CSRP1: variants seen among roughly 807,000 people sequenced by gnomAD.
CSRP1 encodes the protein cysteine and glycine-rich protein 1.
A neutral mutation model predicts 25.4 loss-of-function variants in CSRP1; 16 were observed. The observed-to-expected ratio is 0.63, with a 90% confidence interval of 0.43 to 0.96. The LOEUF is 0.96. CSRP1 is among the 40% of genes least tolerant of loss of function. CSRP1 has a pLI of 0.00. For missense variants in CSRP1, 212 were observed against 243.6 expected (o/e 0.87, Z 0.86); for synonymous variants, 97 against 95.3 (o/e 1.02, Z -0.10).
intron 1 of CSRP1, among the ~76,000 whole-genome samples, chr1:201,506,035 A>C (rs1664813859): frequency 6.6e-6 from 1 of 152,196 alleles, no homozygotes; most frequent in Non-Finnish European, 1.5e-5. Flanking sequence ...CCCTGAAAGA[A>C]ACTGAGACAT....
chr1:201,502,028 TA>T (rs1553232871), intron 1 of CSRP1, among the ~76,000 whole-genome samples: 1 of 139,726 alleles, frequency 7.2e-6, no homozygotes, highest in South Asian at 2.2e-4. Flanking sequence ...AATAAATAAA[TA>T]AAGTCTGGCT....
At chr1:201,495,967 C>T in intron 2 of CSRP1, 1 of 456,732 alleles carries the variant, frequency 2.2e-6, no homozygotes, top group Non-Finnish European at 3.8e-6. Flanking sequence ...CCCCTGAACG[C>T]CTGCCACCCC....
chr1:201,506,092 A>G (rs10920214), intron 1 of CSRP1, among the ~76,000 whole-genome samples: 12,002 of 152,210 alleles, frequency 0.079, 1,465 homozygotes, highest in African/African-American at 0.26. Context: ...GTTAAGTGGC[A>G]AATCCAAGAG....
chr1:201,503,553 G>C (rs112961548), intron 1 of CSRP1, among the ~76,000 whole-genome samples: 1 of 152,096 alleles, frequency 6.6e-6, no homozygotes, highest in Non-Finnish European at 1.5e-5. Flanking sequence ...TGTTGTCACC[G>C]CTGAAGACTC....
At chr1:201,496,576 G>C (rs1232012719) in intron 1 of CSRP1, 1 of 474,298 alleles carries the variant, frequency 2.1e-6, no homozygotes, top group Non-Finnish European at 3.8e-6. Context: ...TAAAGGATGT[G>C]GATCAGCAGA....
chr1:201,493,027 G>C (rs1478396775), intron 2 of CSRP1: 1 of 152,396 alleles, frequency 6.6e-6, no homozygotes, highest in African/African-American at 2.4e-5. Flanking sequence ...CCTCAGGGCT[G>C]GCTGCTTAAC....
At chr1:201,488,784 TA>T (rs528587529) in intron 4 of CSRP1, 70 bp downstream of exon 4, 1 of 1,580,190 alleles carries the variant, frequency 6.3e-7, no homozygotes, top group Non-Finnish European at 8.6e-7. Flanking sequence ...GTCACCAATT[TA>T]AAAGTTCTGG....
chr1:201,486,658 C>T (rs890953925), intron 4 of CSRP1: 2 of 1,044,252 alleles, frequency 1.9e-6, no homozygotes, highest in Non-Finnish European at 2.3e-6. Context: ...CAACACCTCT[C>T]CTCATATTTC....
At chr1:201,491,407 T>G (rs1664335744) in intron 2 of CSRP1, 2 of 152,226 alleles carry the variant, frequency 1.3e-5, no homozygotes, top group South Asian at 4.1e-4. Flanking sequence ...TGCAAGTTTT[T>G]TTTGCCTTTC....
intron 1 of CSRP1, among the ~76,000 whole-genome samples, chr1:201,496,900 C>T (rs545238642): frequency 6.6e-6 from 1 of 152,324 alleles, no homozygotes; most frequent in South Asian, 2.1e-4. Context: ...TGGTAAGGCA[C>T]TGCCTGGCAA....
chr1:201,491,225 G>A (rs893614152), intron 2 of CSRP1: 2 of 152,154 alleles, frequency 1.3e-5, no homozygotes, highest in African/African-American at 4.8e-5. Context: ...GAGCCCAGGA[G>A]TTTGAGATCA....
In CSRP1 at chr1:201,484,706, G is replaced by T. The variant is rs762788069; in HGVS notation, c.*7C>A. On this transcript the variant is annotated 3_prime_UTR_variant, in exon 6 of 6. Coordinates refer to ENST00000340006, the MANE Select transcript of CSRP1 (RefSeq NM_004078.3). Reference sequence around the variant, plus strand: ...GAGTGGGCAGGGTGTGGTGGGTGATGGTGGCCTCACTCAGAGTGGACCAAG... The same window carrying T: ...GAGTGGGCAGGGTGTGGTGGGTGATTGTGGCCTCACTCAGAGTGGACCAAG... 6.2e-7 allele frequency: 1 copy of T among 1,609,140 alleles called. No homozygotes were observed. Among genetic ancestry groups the T allele is most frequent in the Non-Finnish European group, 8.5e-7 (1 of 1,178,458 alleles).
At position 201,498,615 on chromosome 1, in the gene CSRP1, G is replaced by A. The variant is rs80225593; in HGVS notation, c.-1-2311C>T. 3.9e-5 allele frequency among the ~76,000 whole-genome samples: 6 copies of A among 152,330 alleles called. No individual in the cohort carries two copies. The East Asian group carries it at 1.2e-3, about 29-fold the overall frequency. On this transcript the variant is annotated intron_variant, in intron 1 of 5. Transcript: ENST00000340006. ...ATTACTGGAGAGCTCCCATTTGAGGGTGACACGGGCCTCAGCTCAAGAAGG... is the reference window on the plus strand; with the variant it reads ...ATTACTGGAGAGCTCCCATTTGAGGATGACACGGGCCTCAGCTCAAGAAGG...
At chr1:201,485,573 G>T in intron 4 of CSRP1, 197 bp from the exon 5 acceptor site, 1 of 578,984 alleles carries the variant, frequency 1.7e-6, no homozygotes, top group Non-Finnish European at 3.1e-6. Flanking sequence ...ACGCCACCTC[G>T]CACCATCTTC....
Position 201,485,287 on chromosome 1 carries a change from G to A in CSRP1, c.501C>T (p.Cys167=). The change falls in exon 5 of 6, where the codon TGC becomes TGT. Residue 167 remains cysteine, a synonymous_variant. Transcript: ENST00000340006. ...TLADKDGEIY[C]KGCYAKNFGP... ...ATTAGAAGTGAAAACACCCACCTTTGCAGTAAATCTCGCCATCCTTGTCTG... is the reference window on the plus strand; with the variant it reads ...ATTAGAAGTGAAAACACCCACCTTTACAGTAAATCTCGCCATCCTTGTCTG... The A allele has an allele frequency of 1.2e-6, 2 of 1,614,060 alleles. No individual in the cohort carries two copies. Among genetic ancestry groups the A allele is most frequent in the South Asian group, 2.2e-5 (2 of 91,076 alleles).
At position 201,484,054 on chromosome 1, in the gene CSRP1, G is replaced by T; in HGVS notation, c.*659C>A. 1 of 695,854 alleles carries T rather than the reference G, an allele frequency of 1.4e-6. No individual in the cohort carries two copies. Among genetic ancestry groups the T allele is most frequent in the Non-Finnish European group, 2.6e-6 (1 of 379,624 alleles). 43.1% of individuals were successfully genotyped at this position (695,854 alleles called of 1,614,324 possible). On this transcript the variant is annotated 3_prime_UTR_variant, in exon 6 of 6. Transcript: ENST00000340006. ...AAGATCAAACAACATCCTGACTTTG[G>T]GGTCCTTAAGACCTGGGTTATTCTC...
chr1:201,503,560 A>G (rs949713521), intron 1 of CSRP1, among the ~76,000 whole-genome samples: 3 of 151,942 alleles, frequency 2.0e-5, no homozygotes, highest in Admixed American at 1.3e-4. Flanking sequence ...ACCGCTGAAG[A>G]CTCAGACGCT....
chr1:201,495,844 G>A (rs1183242310), intron 2 of CSRP1: 2 of 207,250 alleles, frequency 9.7e-6, no homozygotes, highest in Non-Finnish European at 9.6e-6. Flanking sequence ...TAATTAGGGT[G>A]CAAAGGGCTG....
chr1:201,507,093 G>A lies in CSRP1; in HGVS notation c.-25C>T, dbSNP rs1664848418. 1 of 152,238 alleles carries A rather than the reference G, an allele frequency of 6.6e-6. No homozygotes were observed. The highest frequency in any genetic ancestry group is 1.5e-5 in the Non-Finnish European group (1 of 68,058). 9.4% of individuals were successfully genotyped at this position (152,238 alleles called of 1,614,324 possible). A position where few individuals can be genotyped will look rare whatever the true frequency, so the allele number is the denominator to read the frequency against. On this transcript the variant is annotated 5_prime_UTR_variant, in exon 1 of 6. Transcript: ENST00000340006. The stretch of plus-strand genomic sequence containing the variant: ...ACCTGGCAGCTGGCTCGGCGGCGCA[G>A]GGGCGGCAGGCGCTCTCGGAAGTGG...
Sources: gnomAD v4.1 joint callset for allele counts (sites outside exome capture counted in the v4.1 genomes callset) on GRCh38, gnomAD v4.1.1 for gene constraint, MANE v1.5 for transcripts, NCBI Gene and HGNC (gene_info 2026-07-23, HGNC 2026-07-21) for gene names.